TRPC5: variants seen among roughly 807,000 people sequenced by gnomAD.
TRPC5 encodes transient receptor potential cation channel subfamily C member 5, also known as short transient receptor potential channel 5.
Under a neutral mutation model 56.5 loss-of-function variants are expected in TRPC5, and 9 were observed. The observed-to-expected ratio is 0.16, with a 90% CI of 0.10 to 0.28. TRPC5 has a LOEUF of 0.28. Ranked by LOEUF, TRPC5 falls within the 10% of genes least tolerant of loss-of-function variation. The pLI is 1.00. For missense variants in TRPC5, 469 were observed against 748.9 expected (o/e 0.63, Z 4.36); for synonymous variants, 282 against 278.5 (o/e 1.01, Z -0.13).
chrX:111,790,653 G>T (rs1946012172), intron 7 of TRPC5, among the ~76,000 whole-genome samples: 2 of 111,134 alleles, frequency 1.8e-5, no homozygotes, highest in Non-Finnish European at 3.8e-5. Context: ...TGACTGTCTT[G>T]CTAAAGAAAC....
chrX:111,789,438 G>A (rs1452267338), intron 7 of TRPC5, among the ~76,000 whole-genome samples: 1 of 112,120 alleles, frequency 8.9e-6, no homozygotes, highest in African/African-American at 3.2e-5. Flanking sequence ...AGACTTAAAC[G>A]TTATACCTAA....
intron 2 of TRPC5, among the ~76,000 whole-genome samples, chrX:111,940,689 TAAAAAAAA>T (rs781266805): frequency 1.4e-5 from 1 of 70,319 alleles, no homozygotes; most frequent in South Asian, 6.9e-4. Flanking sequence ...GGACTACGTC[TAAAAAAAA>T]AAAAAAAAAA....
intron 3 of TRPC5, among the ~76,000 whole-genome samples, chrX:111,891,045 A>G (rs376307181): frequency 6.3e-5 from 7 of 111,954 alleles, no homozygotes; most frequent in East Asian, 5.6e-4. Flanking sequence ...AAAGGATATG[A>G]TCTTGTTTTT....
intron 7 of TRPC5, among the ~76,000 whole-genome samples, chrX:111,796,404 T>G (rs1362664163): frequency 8.9e-6 from 1 of 112,022 alleles, no homozygotes; most frequent in Non-Finnish European, 1.9e-5. Flanking sequence ...CTTGCTTTTT[T>G]GCGTGTTTTG....
chrX:111,805,326 T>C (rs1254871313), intron 7 of TRPC5, among the ~76,000 whole-genome samples: 1 of 111,728 alleles, frequency 9.0e-6, no homozygotes, highest in Non-Finnish European at 1.9e-5. Flanking sequence ...TTTTGTTGTG[T>C]CTTTGCCAGG....
chrX:111,907,030 G>A (rs1925650494), intron 3 of TRPC5, among the ~76,000 whole-genome samples: 1 of 105,838 alleles, frequency 9.4e-6, no homozygotes, highest in African/African-American at 3.5e-5. Context: ...TCTAGAGGCT[G>A]TTTCTCTTTG....
Position 112,004,309 on chromosome X carries a change from T to C in TRPC5, c.-21-51868A>G, listed in dbSNP as rs181544888. 1.7e-4 allele frequency among the ~76,000 whole-genome samples: 19 copies of C among 112,228 alleles called. No homozygotes were observed. In the East Asian group the frequency reaches 4.5e-3, roughly 26 times the overall value. On this transcript the variant is annotated intron_variant, in intron 1 of 10. Coordinates refer to ENST00000262839, the MANE Select transcript of TRPC5 (RefSeq NM_012471.3). ...GGCTGGAACACAAGAATGCTTGCTGTGGAGCATTTTGAACAAGTAGTAACC... is the reference window on the plus strand; with the variant it reads ...GGCTGGAACACAAGAATGCTTGCTGCGGAGCATTTTGAACAAGTAGTAACC...
chrX:111,889,250 T>C (rs1047604853), intron 3 of TRPC5, among the ~76,000 whole-genome samples: 3 of 111,224 alleles, frequency 2.7e-5, no homozygotes, highest in Non-Finnish European at 5.7e-5. Context: ...GAGCTGATAA[T>C]TGGATTTAGC....
chrX:112,041,580 A>C (rs1302697853), intron 1 of TRPC5, among the ~76,000 whole-genome samples: 2 of 111,867 alleles, frequency 1.8e-5, no homozygotes, highest in Non-Finnish European at 3.8e-5. Flanking sequence ...TTTGAACACC[A>C]GCAGTCAAAT....
intron 1 of TRPC5, among the ~76,000 whole-genome samples, chrX:112,006,528 T>C (rs1463511886): frequency 1.8e-5 from 2 of 111,470 alleles, no homozygotes; most frequent in African/African-American, 6.5e-5. Context: ...CCCAAAGTCA[T>C]ACAGCTAACA....
At chrX:112,012,202 A>G (rs777620924) in intron 1 of TRPC5, among the ~76,000 whole-genome samples, 3 of 111,026 alleles carry the variant, frequency 2.7e-5, no homozygotes, top group Non-Finnish European at 5.7e-5. Context: ...ATCAGACTTT[A>G]TATAAAATAA....
chrX:111,932,244 G>A (rs757794689), intron 2 of TRPC5, among the ~76,000 whole-genome samples: 43 of 111,746 alleles, frequency 3.8e-4, no homozygotes, highest in African/African-American at 1.3e-3. Context: ...CAAAACAAAG[G>A]GGTATCAGGA....
chrX:111,985,424 G>A (rs1603131103), intron 1 of TRPC5, among the ~76,000 whole-genome samples: 1 of 112,129 alleles, frequency 8.9e-6, no homozygotes, highest in Non-Finnish European at 1.9e-5. Flanking sequence ...TTCAGAGCCA[G>A]TGTCTTGTAG....
At chrX:111,823,837 C>T (rs1922105025) in intron 7 of TRPC5, among the ~76,000 whole-genome samples, 1 of 110,332 alleles carries the variant, frequency 9.1e-6, no homozygotes, top group African/African-American at 3.3e-5. Context: ...GGGCAGGGGT[C>T]CGGTGTGGTT....
At chrX:112,004,162 A>C (rs1928771379) in intron 1 of TRPC5, among the ~76,000 whole-genome samples, 1 of 111,993 alleles carries the variant, frequency 8.9e-6, no homozygotes, top group African/African-American at 3.2e-5. Context: ...AGTCCACCAG[A>C]CCTGTTTGAC....
chrX:112,020,596 G>A (rs1488163930), intron 1 of TRPC5, among the ~76,000 whole-genome samples: 2 of 111,940 alleles, frequency 1.8e-5, no homozygotes, highest in East Asian at 5.6e-4. Flanking sequence ...CATTATCAAT[G>A]TGATGAGATG....
At chrX:111,923,478 C>A (rs1364518920) in intron 2 of TRPC5, among the ~76,000 whole-genome samples, 1 of 111,700 alleles carries the variant, frequency 9.0e-6, no homozygotes, top group Non-Finnish European at 1.9e-5. Context: ...TTGATAAAAC[C>A]TGGAAAGGCA....
chrX:111,960,176 A>G (rs1031533466), intron 1 of TRPC5, among the ~76,000 whole-genome samples: 6 of 112,243 alleles, frequency 5.3e-5, no homozygotes, highest in Non-Finnish European at 1.1e-4. Context: ...GATAGTGCCA[A>G]ATGACCCAAA....
intron 7 of TRPC5, among the ~76,000 whole-genome samples, chrX:111,805,429 C>G (rs1921470356): frequency 9.0e-6 from 1 of 111,363 alleles, no homozygotes; most frequent in African/African-American, 3.3e-5. Context: ...AGGAATGGTA[C>G]CAGTTCCTCT....
Sources: allele counts gnomAD v4.1 joint callset (sites outside exome capture counted in the v4.1 genomes callset), GRCh38; gene constraint gnomAD v4.1.1; transcripts MANE v1.5; gene names NCBI Gene and HGNC (gene_info 2026-07-23, HGNC 2026-07-21).